Variants in TNRC6C observed in about 807,000 individuals in gnomAD.
The protein encoded by TNRC6C is trinucleotide repeat-containing gene 6C protein.
TNRC6C carries 20 observed loss-of-function variants against 153.7 expected under a neutral mutation model. That is an observed-to-expected ratio of 0.13 (90% CI 0.09 to 0.19). TNRC6C has a LOEUF of 0.19. Among genes scored for constraint, TNRC6C ranks in the 10% least tolerant of loss-of-function variants. The pLI is 1.00. For synonymous variants in TNRC6C, 811 were observed against 841.4 expected (o/e 0.96, Z 0.63); for missense variants, 1,987 against 2,172.0 (o/e 0.91, Z 1.69).
chr17:77,981,040 G>A (rs2071069652), intron 1 of TNRC6C, among the ~76,000 whole-genome samples: 1 of 152,078 alleles, frequency 6.6e-6, no homozygotes, highest in Non-Finnish European at 1.5e-5. Context: ...CAGTGGTGCA[G>A]TTACGGCTCA....
intron 16 of TNRC6C, 82 bp downstream of exon 18, chr17:78,093,845 G>A (rs950480588): frequency 5.1e-6 from 8 of 1,562,174 alleles, no homozygotes; most frequent in Admixed American, 3.5e-5. Context: ...AGGTTGGGCT[G>A]TGAGGCAGGG....
At chr17:77,979,675 A>G (rs1242430018) in intron 1 of TNRC6C, among the ~76,000 whole-genome samples, 3 of 152,338 alleles carry the variant, frequency 2.0e-5, no homozygotes, top group Non-Finnish European at 2.9e-5. Context: ...AAAAGACATA[A>G]TAACTTGAGA....
chr17:78,042,474 C>T (rs1235894216), intron 2 of TNRC6C, among the ~76,000 whole-genome samples: 3 of 151,950 alleles, frequency 2.0e-5, no homozygotes, highest in Non-Finnish European at 2.9e-5. Flanking sequence ...CTTCAAACTC[C>T]GAAATGGTAT....
chr17:78,099,655 C>G (rs1264524305), intron 17 of TNRC6C, among the ~76,000 whole-genome samples: 1 of 152,196 alleles, frequency 6.6e-6, no homozygotes, highest in Non-Finnish European at 1.5e-5. Context: ...AGTTACAATT[C>G]AAGATGAGAT....
chr17:78,088,959 C>CTTTT (rs59304499), intron 13 of TNRC6C, among the ~76,000 whole-genome samples: 1 of 86,698 alleles, frequency 1.2e-5, no homozygotes, highest in Non-Finnish European at 2.4e-5. Flanking sequence ...CTTATCGTTA[C>CTTTT]TTTTTTTTTT....
At position 78,079,186 on chromosome 17, in the gene TNRC6C, C is replaced by G. The variant is rs2073135916; in HGVS notation, c.3211-209C>G. On this transcript the variant is annotated intron_variant, in intron 9 of 19. Transcript: ENST00000301624. This position sits in a 1 kb window ranked among gnomAD's most constrained non-coding sequence, Gnocchi z 4.3. ...ATCACTTGGACCCAGGAGGCAGAGG[C>G]TACAGTGAGCCAAGACCGCGCTACT... Among the ~76,000 whole-genome samples, 2 of 151,648 alleles carry G rather than the reference C, an allele frequency of 1.3e-5. No individual in the cohort carries two copies. The highest frequency in any genetic ancestry group is 2.9e-5 in the Non-Finnish European group (2 of 67,950).
At chr17:78,107,391 C>T (rs372710367) in exon 20 of TNRC6C, 7 of 152,240 alleles carry the variant, frequency 4.6e-5, no homozygotes, top group African/African-American at 9.6e-5. Flanking sequence ...GAACATGCAT[C>T]GAAAGTTGCT....
In TNRC6C at chr17:78,084,012, G is replaced by T. The variant is rs189569401; in HGVS notation, c.3477+846G>T. Among the ~76,000 whole-genome samples, 185 of 152,166 alleles carry T rather than the reference G, an allele frequency of 1.2e-3. 1 individual carries two copies. The highest frequency in any genetic ancestry group is 4.3e-3 in the African/African-American group (179 of 41,512). On this transcript the variant is annotated intron_variant, in intron 11 of 19. Transcript: ENST00000301624. ...AAATGACCAGGAATCGGCCGGGCACGGTGGCTCATGCCTATAATCCCAGCA... is the reference window on the plus strand; with the variant it reads ...AAATGACCAGGAATCGGCCGGGCACTGTGGCTCATGCCTATAATCCCAGCA...
intron 1 of TNRC6C, among the ~76,000 whole-genome samples, chr17:78,006,494 T>C (rs867749949): frequency 0.017 from 78 of 4,626 alleles, no homozygotes; most frequent in East Asian, 0.027. Context: ...TCTTCTTCTT[T>C]CTTCTTCTTC....
At position 78,049,725 on chromosome 17, in the gene TNRC6C, C is replaced by T. The variant is rs141190761; in HGVS notation, c.663C>T (p.His221=). The change falls in exon 3 of 20, where the codon CAC becomes CAT. Residue 221 remains histidine (H), a synonymous_variant. Transcript: ENST00000301624. This position sits in a 1 kb window ranked among gnomAD's most constrained non-coding sequence, Gnocchi z 4.1. ...GTATGGGGGCCATCATCCCGCCCCACCTGCAAGGCCTTCCTGGTGCTAATG... is the reference window on the plus strand; with the variant it reads ...GTATGGGGGCCATCATCCCGCCCCATCTGCAAGGCCTTCCTGGTGCTAATG... 16,841 of 1,595,078 alleles carry T rather than the reference C, an allele frequency of 0.011. 170 individuals are homozygous for T. Among genetic ancestry groups the T allele is most frequent in the South Asian group, 0.036 (3,159 of 87,738 alleles).
At chr17:78,014,449 T>C (rs774232131) in intron 1 of TNRC6C, among the ~76,000 whole-genome samples, 2 of 152,076 alleles carry the variant, frequency 1.3e-5, no homozygotes, top group Non-Finnish European at 2.9e-5. Flanking sequence ...AAATTGATCT[T>C]CTAAATAAGC....
At chr17:78,082,187 C>T (rs1279783737) in intron 10 of TNRC6C, among the ~76,000 whole-genome samples, 4 of 149,632 alleles carry the variant, frequency 2.7e-5, no homozygotes, top group African/African-American at 7.4e-5. Context: ...AAGCTGGGTC[C>T]GGGGGGTCAC....
intron 18 of TNRC6C, 121 bp from the exon 22 acceptor site, chr17:78,103,293 C>A: frequency 1.6e-6 from 2 of 1,224,812 alleles, no homozygotes; most frequent in Non-Finnish European, 2.2e-6. Context: ...ATTATTAGGC[C>A]TTTTAAAGAA....
chr17:78,047,771 A>G (rs1467731752), intron 2 of TNRC6C, among the ~76,000 whole-genome samples: 2 of 152,184 alleles, frequency 1.3e-5, no homozygotes, highest in Non-Finnish European at 2.9e-5. Context: ...CACATATGTG[A>G]GTTTGTTGTA....
chr17:77,997,720 G>A (rs184776304), intron 1 of TNRC6C, among the ~76,000 whole-genome samples: 35 of 151,842 alleles, frequency 2.3e-4, no homozygotes, highest in Middle Eastern at 3.4e-3. Flanking sequence ...GCAGTGGCGC[G>A]ATCTCAGCTC....
rs2144344563 is a variant in TNRC6C, at chr17:78,075,508, A to G, written c.3060+230A>G. On this transcript the variant is annotated intron_variant, in intron 8 of 19. Transcript: ENST00000301624. The surrounding 1 kb of genome is among the most constrained non-coding windows in gnomAD (Gnocchi z 4.2). ...ACTGGGATTGAAAACTGATTTTCAT[A>G]TTTATTGTGTGAACTTGGCTGGTTA... is the stretch of plus-strand genomic sequence containing the variant. The G allele has an allele frequency of 1.8e-6, 1 of 560,948 alleles. No homozygotes were observed. The highest frequency in any genetic ancestry group is 3.0e-6 in the Non-Finnish European group (1 of 330,868). 34.7% of individuals were successfully genotyped at this position (560,948 alleles called of 1,614,324 possible).
chr17:78,095,910 G>A (rs529577341), intron 16 of TNRC6C, among the ~76,000 whole-genome samples: 10 of 152,244 alleles, frequency 6.6e-5, no homozygotes, highest in East Asian at 1.9e-4. Flanking sequence ...AATTAGCTGC[G>A]TGTGGTGGCA....
intron 2 of TNRC6C, among the ~76,000 whole-genome samples, chr17:78,033,907 C>T (rs1423330880): frequency 6.6e-6 from 1 of 152,156 alleles, no homozygotes; most frequent in Non-Finnish European, 1.5e-5. Context: ...TCTAACTCAC[C>T]ACCCTTCACT....
chr17:78,006,829 T>C (rs981838463), intron 1 of TNRC6C, among the ~76,000 whole-genome samples: 1 of 132,494 alleles, frequency 7.5e-6, no homozygotes, highest in African/African-American at 3.4e-5. Context: ...TATTTATTTA[T>C]TTTTTTTTTT....
Sources: allele counts gnomAD v4.1 joint callset (sites outside exome capture counted in the v4.1 genomes callset), GRCh38; gene constraint gnomAD v4.1.1; non-coding constraint Gnocchi (gnomAD v3.1); transcripts MANE v1.5; gene names NCBI Gene and HGNC (gene_info 2026-07-23, HGNC 2026-07-21).